The following GNPTAB variants were observed in gnomAD, a reference collection of about 807,000 sequenced individuals.
GNPTAB encodes the protein N-acetylglucosamine-1-phosphate transferase subunits alpha and beta, also known as N-acetylglucosamine-1-phosphotransferase subunits alpha/beta.
Under a neutral mutation model 136.6 loss-of-function variants are expected in GNPTAB, and 92 were observed. That is an observed-to-expected ratio of 0.67 (90% CI 0.57 to 0.80). The LOEUF is 0.80. Among genes scored for constraint, GNPTAB ranks in the 30% least tolerant of loss-of-function variants. GNPTAB has a pLI of 0.00. For missense variants in GNPTAB, 1,343 were observed against 1,501.8 expected, an observed-to-expected ratio of 0.89 and a Z score of 1.75; for synonymous variants, 512 against 535.1, an observed-to-expected ratio of 0.96 and a Z score of 0.60.
intron 1 of GNPTAB, among the ~76,000 whole-genome samples, chr12:101,804,974 G>A (rs1869857419): frequency 6.6e-6 from 1 of 152,070 alleles, no homozygotes. Flanking sequence ...GGATGTATAA[G>A]GTATTAAAAT....
At chr12:101,811,203 G>A (rs907237726) in intron 1 of GNPTAB, among the ~76,000 whole-genome samples, 4 of 152,110 alleles carry the variant, frequency 2.6e-5, no homozygotes, top group East Asian at 1.9e-4. Flanking sequence ...ATCTTTCTCC[G>A]TAAAAGACGA....
intron 1 of GNPTAB, among the ~76,000 whole-genome samples, chr12:101,830,338 T>C (rs1351020416): frequency 6.6e-6 from 1 of 152,176 alleles, no homozygotes; most frequent in Non-Finnish European, 1.5e-5. Context: ...AAGAATACTG[T>C]ATTTGGCCGG....
chr12:101,786,125 T>C lies in GNPTAB; in HGVS notation c.458A>G (p.Asp153Gly). 6.2e-7 allele frequency: 1 copy of C among 1,614,090 alleles called. No individual in the cohort carries two copies. The highest frequency in any genetic ancestry group is 1.1e-5 in the South Asian group (1 of 91,078). Residue 153 changes from aspartate (D) to glycine (G), a missense_variant, in exon 5 of 21, where the codon GAC becomes GGC. Transcript: ENST00000299314. ...AAAAGAAGGATAAAGAGATGGCAGGTCCTTCAGGGTGATGTTGGCTGGCAG... is the reference window on the plus strand; with the variant it reads ...AAAAGAAGGATAAAGAGATGGCAGGCCCTTCAGGGTGATGTTGGCTGGCAG... ...PALPANITLKDLPSLYPSFHS... is the reference protein window; with the variant it reads ...PALPANITLKGLPSLYPSFHS...
intron 10 of GNPTAB, 71 bp from the exon 11 acceptor site, chr12:101,768,231 C>A (rs1441825790): frequency 6.5e-7 from 1 of 1,533,040 alleles, no homozygotes; most frequent in African/African-American, 1.4e-5. Flanking sequence ...AGTTAAGATT[C>A]CCTTTATAAA....
intron 1 of GNPTAB, among the ~76,000 whole-genome samples, chr12:101,822,589 T>C (rs1870868244): frequency 1.3e-5 from 2 of 152,150 alleles, no homozygotes. Flanking sequence ...CATCAAGTGA[T>C]GAAAAGTGAG....
chr12:101,807,728 G>A (rs960260383), intron 1 of GNPTAB, among the ~76,000 whole-genome samples: 1 of 152,020 alleles, frequency 6.6e-6, no homozygotes, highest in South Asian at 2.1e-4. Context: ...ACAAGAGTTC[G>A]AGACCAGCCT....
At chr12:101,751,625 C>A (rs1397189562) in intron 19 of GNPTAB, among the ~76,000 whole-genome samples, 1 of 152,200 alleles carries the variant, frequency 6.6e-6, no homozygotes, top group African/African-American at 2.4e-5. Flanking sequence ...CTGGATCAGC[C>A]ACTTGCCAGC....
chr12:101,787,146 A>C (rs1566086088), intron 4 of GNPTAB, among the ~76,000 whole-genome samples: 1 of 152,214 alleles, frequency 6.6e-6, no homozygotes, highest in Non-Finnish European at 1.5e-5. Flanking sequence ...CCAAGTAGGG[A>C]AGAGAAACAA....
intron 7 of GNPTAB, among the ~76,000 whole-genome samples, chr12:101,777,211 C>T (rs1281093425): frequency 2.6e-5 from 4 of 152,258 alleles, no homozygotes; most frequent in African/African-American, 9.6e-5. Flanking sequence ...TGGCATCCCA[C>T]TGCCAAGCAA....
intron 7 of GNPTAB, chr12:101,779,086 A>G (rs1210964940): frequency 6.6e-6 from 1 of 151,776 alleles, no homozygotes; most frequent in African/African-American, 2.4e-5. Flanking sequence ...AAACATGGTT[A>G]AGACAGGAAC....
chr12:101,798,620 A>G (rs1039001951), intron 1 of GNPTAB, among the ~76,000 whole-genome samples: 5 of 152,240 alleles, frequency 3.3e-5, no homozygotes, highest in Non-Finnish European at 7.3e-5. Flanking sequence ...GAGGTAAACA[A>G]ACATAAAAAT....
chr12:101,749,387 T>C (rs1310698681), intron 19 of GNPTAB, among the ~76,000 whole-genome samples, 196 bp from the exon 20 acceptor site: 3 of 152,252 alleles, frequency 2.0e-5, no homozygotes, highest in Non-Finnish European at 4.4e-5. Flanking sequence ...GTAAATATTA[T>C]ACTTGAATTA....
chr12:101,775,159 G>A (rs1357409456), intron 7 of GNPTAB, among the ~76,000 whole-genome samples: 1 of 152,078 alleles, frequency 6.6e-6, no homozygotes, highest in East Asian at 1.9e-4. Flanking sequence ...AAAATAACAA[G>A]GCTTTCCTAT....
At chr12:101,797,108 T>G (rs1869338368) in intron 1 of GNPTAB, among the ~76,000 whole-genome samples, 2 of 152,144 alleles carry the variant, frequency 1.3e-5, no homozygotes, top group African/African-American at 4.8e-5. Flanking sequence ...GCTTGTAGGC[T>G]GAGAAGCAGC....
chr12:101,791,169 A>T (rs969625902), intron 2 of GNPTAB, among the ~76,000 whole-genome samples: 13 of 152,088 alleles, frequency 8.5e-5, no homozygotes, highest in South Asian at 2.1e-4. Flanking sequence ...GCAGGCTTTT[A>T]ATTCTTGAGT....
chr12:101,771,780 T>C (rs1432649210), intron 7 of GNPTAB, among the ~76,000 whole-genome samples: 4 of 152,214 alleles, frequency 2.6e-5, no homozygotes, highest in Admixed American at 2.6e-4. Flanking sequence ...GTATGAAATC[T>C]CCCCAATTTT....
At chr12:101,818,963 T>C (rs1870658279) in intron 1 of GNPTAB, among the ~76,000 whole-genome samples, 1 of 152,140 alleles carries the variant, frequency 6.6e-6, no homozygotes, top group Non-Finnish European at 1.5e-5. Flanking sequence ...TTCACCATGA[T>C]TGTAAGGCAT....
intron 1 of GNPTAB, among the ~76,000 whole-genome samples, chr12:101,825,450 A>AT (rs1871041063): frequency 6.6e-6 from 1 of 152,246 alleles, no homozygotes; most frequent in Non-Finnish European, 1.5e-5. Flanking sequence ...CTTGAAATAA[A>AT]TTTGAAAGGA....
chr12:101,756,008 G>C lies in GNPTAB; in HGVS notation c.3434+1204C>G, dbSNP rs10492084. Among the ~76,000 whole-genome samples the C allele has an allele frequency of 0.022, 3,335 of 152,226 alleles. 336 individuals are homozygous for C. In the East Asian group the frequency reaches 0.31, roughly 14 times the overall value. On this transcript the variant is annotated intron_variant, in intron 18 of 20. Coordinates refer to ENST00000299314, the MANE Select transcript of GNPTAB (RefSeq NM_024312.5). ...GACGGAGAGAACTCATCAAGAAAAT[G>C]GGGGAAGTCTGTACTCCCATCAAAA...
Sources: gnomAD v4.1 joint callset for allele counts (sites outside exome capture counted in the v4.1 genomes callset) on GRCh38, gnomAD v4.1.1 for gene constraint, MANE v1.5 for transcripts, NCBI Gene and HGNC (gene_info 2026-07-23, HGNC 2026-07-21) for gene names.